ZNF320: variants seen among roughly 807,000 people sequenced by gnomAD.
ZNF320 encodes zinc finger gene 320.
A neutral mutation model predicts 6.8 loss-of-function variants in ZNF320; 2 were observed. The observed-to-expected ratio is 0.29, with a 90% CI of 0.12 to 0.93. The LOEUF (loss-of-function observed/expected upper bound fraction) is 0.93. ZNF320 is among the 40% of genes least tolerant of loss of function. The probability of loss-of-function intolerance (pLI) is 0.55; values close to 1 mark genes in which losing one functional copy is unlikely to be tolerated. For missense variants in ZNF320, 472 were observed against 611.0 expected (o/e 0.77, Z 2.40); for synonymous variants, 208 against 203.2 (o/e 1.02, Z -0.20).
exon 6 of ZNF320, among the ~76,000 whole-genome samples, chr19:52,863,185 C>A (rs1418872416): frequency 4.6e-5 from 7 of 151,892 alleles, no homozygotes; most frequent in Non-Finnish European, 7.4e-5. Context: ...GTCTCGAACT[C>A]CTTACTGCAA....
chr19:52,864,385 T>C (rs182433608), intron 5 of ZNF320, among the ~76,000 whole-genome samples: 3 of 152,280 alleles, frequency 2.0e-5, no homozygotes, highest in Admixed American at 6.5e-5. Context: ...AAACTAAATA[T>C]AGTGTTTTCT....
downstream of ZNF320, chr19:52,874,181 T>G: frequency 4.7e-6 from 1 of 213,418 alleles, no homozygotes; most frequent in South Asian, 5.8e-5. Context: ...AGCCCTCTGC[T>G]GCCCACTACA....
rs965215696 is a variant in ZNF320, at chr19:52,881,929, G to A, written c.197C>T (p.Thr66Ile). 1.2e-6 allele frequency: 2 copies of A among 1,610,072 alleles called. No homozygotes were observed. The highest frequency in any genetic ancestry group is 1.3e-5 in the African/African-American group (1 of 74,744). The change falls in exon 6 of 6, where the codon ACA becomes ATA. Residue 66 changes from threonine (T) to isoleucine (I), a missense_variant. Thr to Ile is a moderately conservative substitution (Grantham distance 89, BLOSUM62 -1). This residue lies in a region of ZNF320 where 462 missense variants were observed against 559.7 expected (regional missense o/e 0.83). Coordinates refer to ENST00000682928, the MANE Select transcript of ZNF320 (RefSeq NM_001351774.2). Reference protein sequence around the residue: ...NTLSSTGQGNTEVIHTGTLQR... With the variant: ...NTLSSTGQGNIEVIHTGTLQR... Reference sequence around the variant, plus strand: ...CAATGTCCCTGTGTGGATCACTTCTGTATTGCCTTGCCCTGTTGATGACAA... The same window carrying A: ...CAATGTCCCTGTGTGGATCACTTCTATATTGCCTTGCCCTGTTGATGACAA...
chr19:52,887,089 C>T (rs1045594081), intron 5 of ZNF320, among the ~76,000 whole-genome samples: 1 of 151,900 alleles, frequency 6.6e-6, no homozygotes, highest in Non-Finnish European at 1.5e-5. Context: ...GAAAGATGTC[C>T]CTTCAGAGAT....
At chr19:52,885,296 G>C (rs935564329) in intron 5 of ZNF320, among the ~76,000 whole-genome samples, 1 of 152,074 alleles carries the variant, frequency 6.6e-6, no homozygotes, top group South Asian at 2.1e-4. Flanking sequence ...AAAAAAACGG[G>C]TAGGCTGGGC....
Position 52,880,746 on chromosome 19 carries a change from C to G in ZNF320, c.1380G>C (p.Gln460His). 2 of 1,613,936 alleles carry G rather than the reference C, an allele frequency of 1.2e-6. No individual in the cohort carries two copies. The highest frequency in any genetic ancestry group is 2.7e-5 in the African/African-American group (2 of 75,026). Reference protein sequence around the residue: ...FNSPSHLIRHQRIHTGQKSYK... With the variant: ...FNSPSHLIRHHRIHTGQKSYK... ...AAGATTTCTGTCCAGTATGGATTCT[C>G]TGATGCCTAATAAGGTGTGAAGGTG... The change falls in exon 6 of 6, where the codon CAG becomes CAC. Residue 460 changes from glutamine to histidine, a missense_variant. Physicochemically the swap from Gln to His is conservative, Grantham distance 24 (BLOSUM62 0). Transcript: ENST00000682928.
At chr19:52,898,412 G>A (rs1456907337), upstream of ZNF320, among the ~76,000 whole-genome samples, 1 of 152,170 alleles carries the variant, frequency 6.6e-6, no homozygotes, top group East Asian at 1.9e-4. Context: ...GCTGAGCCCG[G>A]AGGTCCAGGC....
chr19:52,901,461 T>G (rs1173553318), upstream of ZNF320, among the ~76,000 whole-genome samples: 3 of 152,264 alleles, frequency 2.0e-5, no homozygotes, highest in African/African-American at 7.2e-5. Flanking sequence ...AGAGTCACTT[T>G]GCAGGGGTTG....
At chr19:52,871,519 G>A (rs192325782), downstream of ZNF320, among the ~76,000 whole-genome samples, 8 of 151,656 alleles carry the variant, frequency 5.3e-5, no homozygotes, top group Admixed American at 2.0e-4. Flanking sequence ...ACTCCACTTC[G>A]GAAAAAAAAA....
intron 5 of ZNF320, among the ~76,000 whole-genome samples, chr19:52,867,610 T>A (rs928037060): frequency 4.6e-5 from 7 of 152,068 alleles, no homozygotes; most frequent in Non-Finnish European, 8.8e-5. Context: ...ATTTTTATTT[T>A]TTTTCTTTCT....
upstream of ZNF320, among the ~76,000 whole-genome samples, chr19:52,899,370 T>C (rs538449657): frequency 6.6e-6 from 1 of 152,302 alleles, no homozygotes; most frequent in South Asian, 2.1e-4. Context: ...ATGATCTATG[T>C]GTAGACAACA....
rs989347741 is a variant in ZNF320 at position 52,871,091 on chromosome 19, C to T, written c.223+2901G>A. ...GAACCCAGGAAGCAGATGTTGCAGT[C>T]AGCTGACAGCCTGTCACTGCACTCC... On this transcript the variant is annotated intron_variant, in intron 5 of 5. Coordinates refer to the ZNF320 transcript ENST00000673631. 5.3e-5 allele frequency among the ~76,000 whole-genome samples: 8 copies of T among 152,170 alleles called. No individual in the cohort carries two copies. In the East Asian group the frequency reaches 1.4e-3, roughly 26 times the overall value.
chr19:52,862,587 G>A, exon 6 of ZNF320: 1 of 430,834 alleles, frequency 2.3e-6, no homozygotes, highest in South Asian at 2.1e-5. Context: ...TTACATCTGT[G>A]AGCTTTCACT....
At chr19:52,901,334 CTG>C (rs1340110422), upstream of ZNF320, among the ~76,000 whole-genome samples, 2 of 152,180 alleles carry the variant, frequency 1.3e-5, no homozygotes, top group Non-Finnish European at 2.9e-5. Flanking sequence ...GAAGTCCTTA[CTG>C]TACAAGTCTA....
At chr19:52,890,624 C>A (rs1004899878) in intron 3 of ZNF320, among the ~76,000 whole-genome samples, 19 of 152,196 alleles carry the variant, frequency 1.2e-4, no homozygotes, top group African/African-American at 4.3e-4. Context: ...GTCACCCCAG[C>A]ACTCTAGGAG....
the ZNF320 span, among the ~76,000 whole-genome samples, chr19:52,903,774 G>A: frequency 6.6e-6 from 1 of 151,764 alleles, no homozygotes; most frequent in Non-Finnish European, 1.5e-5. Flanking sequence ...TGGGTAAAGA[G>A]GGCACACACA....
rs1207270642 is a variant in ZNF320 at position 52,880,374 on chromosome 19, A to T, written c.*222T>A. ...AAAATAAATAAATAAATAAAAGAACATACAGGCTGGGAAAAGTGGCTCCCG... is the reference window on the plus strand; with the variant it reads ...AAAATAAATAAATAAATAAAAGAACTTACAGGCTGGGAAAAGTGGCTCCCG... On this transcript the variant is annotated 3_prime_UTR_variant, in exon 6 of 6. Coordinates refer to ENST00000682928, the MANE Select transcript of ZNF320 (RefSeq NM_001351774.2). 1 of 477,332 alleles carries T rather than the reference A, an allele frequency of 2.1e-6. No homozygotes were observed. Among genetic ancestry groups the T allele is most frequent in the African/African-American group, 2.0e-5 (1 of 50,178 alleles). The allele number at this position is 477,332 out of a possible 1,614,324, so 29.6% of individuals were successfully genotyped here.
chr19:52,871,557 A>G (rs527470550), downstream of ZNF320, among the ~76,000 whole-genome samples: 27 of 152,238 alleles, frequency 1.8e-4, no homozygotes, highest in Non-Finnish European at 3.4e-4. Context: ...TATATTCCTG[A>G]GCAAAAGAAA....
At chr19:52,861,763 A>T in exon 6 of ZNF320, 1 of 337,210 alleles carries the variant, frequency 3.0e-6, no homozygotes, top group Admixed American at 3.8e-5. Context: ...CTGTGCATCA[A>T]TTATCTCAAA....
Sources: allele counts gnomAD v4.1 joint callset (sites outside exome capture counted in the v4.1 genomes callset), GRCh38; gene constraint gnomAD v4.1.1; regional missense constraint gnomAD v4.1.1; transcripts MANE v1.5; gene names NCBI Gene and HGNC (gene_info 2026-07-23, HGNC 2026-07-21).